The following ENOX2 variants were observed in gnomAD, a reference collection of about 807,000 sequenced individuals.
The protein encoded by ENOX2 is ecto-NOX disulfide-thiol exchanger 2.
ENOX2 carries 36 observed loss-of-function variants against 45.0 expected under a neutral mutation model. That is an observed-to-expected ratio of 0.80 (90% CI 0.61 to 1.06). ENOX2 has a LOEUF of 1.06. Among genes scored for constraint, ENOX2 ranks in the 50% least tolerant of loss-of-function variants. The pLI is 0.00. For synonymous variants in ENOX2, 174 were observed against 152.3 expected (o/e 1.14, Z -1.05); for missense variants, 423 against 462.5 (o/e 0.91, Z 0.78).
At chrX:130,717,791 TAAGAAA>T (rs2038367391) in intron 3 of ENOX2, among the ~76,000 whole-genome samples, 1 of 111,753 alleles carries the variant, frequency 8.9e-6, no homozygotes, top group Non-Finnish European at 1.9e-5. Flanking sequence ...ACATGCAGTT[TAAGAAA>T]AAGAATATCA....
chrX:130,871,091 G>A (rs958027018), intron 2 of ENOX2, among the ~76,000 whole-genome samples: 3 of 111,590 alleles, frequency 2.7e-5, no homozygotes, highest in African/African-American at 9.8e-5. Context: ...CCAGTACCAT[G>A]AGCTAAGGCT....
At chrX:130,710,255 G>A (rs887931866) in intron 3 of ENOX2, among the ~76,000 whole-genome samples, 14 of 111,857 alleles carry the variant, frequency 1.3e-4, no homozygotes, top group Admixed American at 6.6e-4. Context: ...CAGTAGAGCC[G>A]AGATTCAAAC....
chrX:130,887,470 GGGA>G (rs2078926659), intron 2 of ENOX2, among the ~76,000 whole-genome samples: 4 of 111,227 alleles, frequency 3.6e-5, no homozygotes, highest in Non-Finnish European at 1.9e-5. Context: ...ACGGAGCATA[GGGA>G]GGAGGATTCT....
At chrX:130,719,101 G>T (rs1011042065) in intron 3 of ENOX2, among the ~76,000 whole-genome samples, 1 of 111,405 alleles carries the variant, frequency 9.0e-6, no homozygotes, top group Non-Finnish European at 1.9e-5. Context: ...TTTTTTAAAG[G>T]GTCTCTCCTT....
chrX:130,881,192 A>G (rs982537785), intron 2 of ENOX2, among the ~76,000 whole-genome samples: 2 of 112,600 alleles, frequency 1.8e-5, no homozygotes, highest in Non-Finnish European at 3.8e-5. Context: ...ACATGTGGCT[A>G]GTGGATACTG....
At chrX:130,897,130 C>T (rs184242060) in intron 2 of ENOX2, among the ~76,000 whole-genome samples, 52 of 112,020 alleles carry the variant, frequency 4.6e-4, no homozygotes, top group African/African-American at 1.6e-3. Flanking sequence ...ACATTCAATT[C>T]TATCACGGTT....
intron 3 of ENOX2, among the ~76,000 whole-genome samples, chrX:130,777,565 C>T (rs112127984): frequency 0.015 from 1,647 of 110,796 alleles, 16 homozygotes; most frequent in Non-Finnish European, 0.024. Context: ...TAAACATCTA[C>T]CACTAGCCTC....
At position 130,752,665 on chromosome X, in the gene ENOX2, C is replaced by G. The variant is rs774344626; in HGVS notation, c.-39+30882G>C. On this transcript the variant is annotated intron_variant, in intron 3 of 14. Coordinates refer to ENST00000394363, the MANE Select transcript of ENOX2 (RefSeq NM_006375.4). ...TCTCCTTGCCTATTTCTCTCGTCTT[C>G]CTGTTTTTCTGCCTGTCTGTCTCTT... Among the ~76,000 whole-genome samples the G allele has an allele frequency of 1.2e-3, 130 of 110,907 alleles. 1 individual carries two copies. Among genetic ancestry groups the G allele is most frequent in the African/African-American group, 4.2e-3 (127 of 30,508 alleles).
At chrX:130,897,494 G>A (rs1440744216) in intron 2 of ENOX2, among the ~76,000 whole-genome samples, 1 of 111,742 alleles carries the variant, frequency 8.9e-6, no homozygotes, top group Non-Finnish European at 1.9e-5. Flanking sequence ...TTTTCTTCTC[G>A]CTTTGATGTA....
intron 3 of ENOX2, among the ~76,000 whole-genome samples, chrX:130,743,858 C>T (rs2039040191): frequency 9.0e-6 from 1 of 111,672 alleles, no homozygotes; most frequent in African/African-American, 3.3e-5. Flanking sequence ...TTTGAAGGAC[C>T]ATCATGTGGA....
At position 130,622,840 on chromosome X, in the gene ENOX2, T is replaced by G. The variant is rs2035458856; in HGVS notation, c.*2474A>C. Among the ~76,000 whole-genome samples, 1 of 111,789 alleles carries G rather than the reference T, an allele frequency of 8.9e-6. No individual in the cohort carries two copies. The highest frequency in any genetic ancestry group is 3.3e-5 in the African/African-American group (1 of 30,736). On this transcript the variant is annotated 3_prime_UTR_variant, in exon 15 of 15. Coordinates refer to ENST00000394363, the MANE Select transcript of ENOX2 (RefSeq NM_006375.4). ...TATATATGAGAGAGATCTATTTATT[T>G]TAAGGAATTGGCTCTTGCAATTATG...
chrX:130,740,294 G>A (rs774270305), intron 3 of ENOX2, among the ~76,000 whole-genome samples: 122 of 110,703 alleles, frequency 1.1e-3, no homozygotes, highest in African/African-American at 3.6e-3. Context: ...CCAGCTACTC[G>A]GGAGGCTGAG....
At chrX:130,625,995 T>G (rs970949368) in intron 14 of ENOX2, among the ~76,000 whole-genome samples, 12 of 110,946 alleles carry the variant, frequency 1.1e-4, no homozygotes, top group African/African-American at 3.6e-4. Context: ...CCTTTAGGAC[T>G]TGTTTTAGGT....
chrX:130,709,694 A>C (rs2038135676), intron 3 of ENOX2, among the ~76,000 whole-genome samples: 1 of 109,181 alleles, frequency 9.2e-6, no homozygotes, highest in Non-Finnish European at 1.9e-5. Flanking sequence ...AGAAACAGAT[A>C]GTGGTCTAAA....
chrX:130,842,752 G>GT (rs371188984), intron 2 of ENOX2, among the ~76,000 whole-genome samples: 355 of 110,769 alleles, frequency 3.2e-3, no homozygotes, highest in African/African-American at 0.011. Context: ...ATCTTTCTCA[G>GT]TTTTTTTTCA....
intron 9 of ENOX2, 77 bp from the exon 10 acceptor site, chrX:130,656,772 T>C (rs2036557909): frequency 3.4e-6 from 2 of 585,647 alleles, no homozygotes; most frequent in African/African-American, 2.3e-5. Context: ...AAGGATAAGA[T>C]AAAGCAGCAT....
intron 2 of ENOX2, 37 bp from the exon 3 acceptor site, chrX:130,783,727 T>C: frequency 3.8e-6 from 1 of 265,170 alleles, no homozygotes. Flanking sequence ...CCAGACTCCA[T>C]TAAGGACTGG....
chrX:130,836,668 G>T (rs897023608), intron 2 of ENOX2, among the ~76,000 whole-genome samples: 1 of 111,798 alleles, frequency 8.9e-6, no homozygotes, highest in East Asian at 2.8e-4. Flanking sequence ...GATAAGCTAC[G>T]TTCCTAGCTG....
chrX:130,857,492 G>A (rs982016793), intron 2 of ENOX2, among the ~76,000 whole-genome samples: 18 of 112,260 alleles, frequency 1.6e-4, no homozygotes, highest in African/African-American at 5.5e-4. Flanking sequence ...AAAGTGAAAC[G>A]GAGAAGTATT....
Sources: allele counts gnomAD v4.1 joint callset (sites outside exome capture counted in the v4.1 genomes callset), GRCh38; gene constraint gnomAD v4.1.1; transcripts MANE v1.5; gene names NCBI Gene and HGNC (gene_info 2026-07-23, HGNC 2026-07-21).